The following HS3ST5 variants were observed in gnomAD, a reference collection of about 807,000 sequenced individuals.
HS3ST5 encodes heparan sulfate-glucosamine 3-sulfotransferase 5, also known as heparan sulfate glucosamine 3-O-sulfotransferase 5.
HS3ST5 carries 10 observed loss-of-function variants against 25.4 expected under a neutral mutation model. The ratio of observed to expected loss-of-function variants is 0.39; its 90% CI spans 0.24 to 0.67. HS3ST5 has a LOEUF of 0.67. Ranked by LOEUF, HS3ST5 falls within the 30% of genes least tolerant of loss-of-function variation. The probability of loss-of-function intolerance (pLI) is 0.44; values close to 1 mark genes in which losing one functional copy is unlikely to be tolerated. For missense variants in HS3ST5, 324 were observed against 420.7 expected, an observed-to-expected ratio of 0.77 and a Z score of 2.01; for synonymous variants, 170 against 162.4, an observed-to-expected ratio of 1.05 and a Z score of -0.36.
chr6:114,067,774 A>G (rs1318910887), intron 3 of HS3ST5, among the ~76,000 whole-genome samples: 1 of 152,228 alleles, frequency 6.6e-6, no homozygotes, highest in Admixed American at 6.5e-5. Context: ...AGAAAAACTA[A>G]TATTTTTATT....
intron 1 of HS3ST5, among the ~76,000 whole-genome samples, chr6:114,242,904 C>G (rs542163059): frequency 6.6e-6 from 1 of 152,220 alleles, no homozygotes; most frequent in Middle Eastern, 3.4e-3. Flanking sequence ...TTTCTTTACC[C>G]CTTTTCTTTG....
chr6:114,071,586 T>C (rs1046984719), intron 3 of HS3ST5, among the ~76,000 whole-genome samples: 1 of 152,226 alleles, frequency 6.6e-6, no homozygotes, highest in Non-Finnish European at 1.5e-5. Context: ...TTTAGGGTCA[T>C]TGATACTCAG....
chr6:114,101,853 G>A (rs1421853526), intron 3 of HS3ST5, among the ~76,000 whole-genome samples: 1 of 152,164 alleles, frequency 6.6e-6, no homozygotes, highest in African/African-American at 2.4e-5. Flanking sequence ...TGTACACCAT[G>A]GAATGCTATG....
At chr6:114,293,675 T>C (rs1312382135) in intron 1 of HS3ST5, among the ~76,000 whole-genome samples, 2 of 152,182 alleles carry the variant, frequency 1.3e-5, no homozygotes, top group African/African-American at 2.4e-5. Context: ...TAAGAGCATA[T>C]AAAATCACTC....
chr6:114,063,471 T>G (rs1422861425), intron 3 of HS3ST5, among the ~76,000 whole-genome samples: 1 of 145,252 alleles, frequency 6.9e-6, no homozygotes, highest in African/African-American at 2.6e-5. Flanking sequence ...GCTGCGATCA[T>G]GCCACTCCAC....
intron 3 of HS3ST5, among the ~76,000 whole-genome samples, chr6:114,144,732 C>A (rs977871411): frequency 6.6e-6 from 1 of 152,222 alleles, no homozygotes; most frequent in Non-Finnish European, 1.5e-5. Context: ...TTAGCTCTGA[C>A]ACTTACTAGC....
At chr6:114,324,871 C>T (rs1017918847) in intron 1 of HS3ST5, among the ~76,000 whole-genome samples, 1 of 152,232 alleles carries the variant, frequency 6.6e-6, no homozygotes, top group African/African-American at 2.4e-5. Flanking sequence ...TTGCGGATAA[C>T]GTGTCTCACT....
At chr6:114,181,691 T>A (rs1779978305) in intron 2 of HS3ST5, among the ~76,000 whole-genome samples, 1 of 152,226 alleles carries the variant, frequency 6.6e-6, no homozygotes, top group South Asian at 2.1e-4. Flanking sequence ...CCAGAGTACA[T>A]GGTATCATGA....
chr6:114,113,249 T>C (rs1776357243), intron 3 of HS3ST5, among the ~76,000 whole-genome samples: 1 of 152,164 alleles, frequency 6.6e-6, no homozygotes, highest in South Asian at 2.1e-4. Flanking sequence ...ATGGCCTTAG[T>C]AATTTTTTCT....
At chr6:114,058,303 T>G in intron 4 of HS3ST5, 113 bp from the exon 5 acceptor site, 1 of 742,140 alleles carries the variant, frequency 1.3e-6, no homozygotes, top group Non-Finnish European at 2.1e-6. Context: ...GTTCCCAGCC[T>G]GCTGCAATCC....
At chr6:114,305,707 G>A (rs967920380) in intron 1 of HS3ST5, among the ~76,000 whole-genome samples, 4 of 152,062 alleles carry the variant, frequency 2.6e-5, no homozygotes, top group African/African-American at 9.7e-5. Context: ...TTCTCTTCAC[G>A]TGAATATGTG....
At chr6:114,267,251 A>C (rs1424341119) in intron 1 of HS3ST5, among the ~76,000 whole-genome samples, 2 of 152,244 alleles carry the variant, frequency 1.3e-5, no homozygotes, top group African/African-American at 4.8e-5. Flanking sequence ...TACTTGCTTC[A>C]ATAAGAAAAG....
At chr6:114,242,794 A>G (rs565277065) in intron 1 of HS3ST5, among the ~76,000 whole-genome samples, 166 of 149,508 alleles carry the variant, frequency 1.1e-3, no homozygotes, top group African/African-American at 4.0e-3. Context: ...CGGAGCTTGC[A>G]GTGAGCCGAG....
At chr6:114,167,452 C>T (rs1004349858) in intron 3 of HS3ST5, 20 of 152,286 alleles carry the variant, frequency 1.3e-4, no homozygotes, top group Admixed American at 1.0e-3. Context: ...CTCATTTAAT[C>T]ACAACAACTC....
At chr6:114,269,328 T>C (rs1773539422) in intron 1 of HS3ST5, among the ~76,000 whole-genome samples, 1 of 151,710 alleles carries the variant, frequency 6.6e-6, no homozygotes. Flanking sequence ...CCTGTTTCTA[T>C]CATATTATGG....
chr6:114,062,542 C>G (rs1233695465), intron 4 of HS3ST5, among the ~76,000 whole-genome samples, 197 bp downstream of exon 4: 2 of 152,156 alleles, frequency 1.3e-5, no homozygotes, highest in African/African-American at 4.8e-5. Context: ...TGGATCTTGA[C>G]AAAACATCTT....
intron 1 of HS3ST5, among the ~76,000 whole-genome samples, chr6:114,317,912 A>C (rs1176951190): frequency 6.6e-6 from 1 of 152,172 alleles, no homozygotes; most frequent in African/African-American, 2.4e-5. Flanking sequence ...ACACATCAAC[A>C]AGAGAAAATG....
chr6:114,078,855 T>C (rs1181492531), intron 3 of HS3ST5, among the ~76,000 whole-genome samples: 1 of 152,192 alleles, frequency 6.6e-6, no homozygotes, highest in Non-Finnish European at 1.5e-5. Flanking sequence ...GGAGATGTCG[T>C]GGATTTGGTT....
At chr6:114,156,653 T>C (rs1430296103) in intron 3 of HS3ST5, among the ~76,000 whole-genome samples, 2 of 152,192 alleles carry the variant, frequency 1.3e-5, no homozygotes, top group Admixed American at 6.5e-5. Flanking sequence ...ACAAATCTGG[T>C]GTTAACACTT....
Sources: gnomAD v4.1 joint callset for allele counts (sites outside exome capture counted in the v4.1 genomes callset) on GRCh38, gnomAD v4.1.1 for gene constraint, MANE v1.5 for transcripts, NCBI Gene and HGNC (gene_info 2026-07-23, HGNC 2026-07-21) for gene names.